AKAP6: variants seen among roughly 807,000 people sequenced by gnomAD.
AKAP6 encodes A-kinase anchoring protein 6.
A neutral mutation model predicts 188.5 loss-of-function variants in AKAP6; 58 were observed. The observed-to-expected ratio is 0.31, with a 90% CI of 0.25 to 0.38. The LOEUF (loss-of-function observed/expected upper bound fraction) is 0.38, where lower values mean the gene tolerates loss of function less well. Among genes scored for constraint, AKAP6 ranks in the 10% least tolerant of loss-of-function variants. The pLI, the probability that AKAP6 is intolerant of heterozygous loss-of-function variation, is 1.00. For missense variants in AKAP6, 2,710 were observed against 2,740.0 expected, an observed-to-expected ratio of 0.99 and a Z score of 0.24; for synonymous variants, 989 against 998.6, an observed-to-expected ratio of 0.99 and a Z score of 0.18.
intron 2 of AKAP6, among the ~76,000 whole-genome samples, chr14:32,497,587 A>T (rs1320927300): frequency 6.6e-6 from 1 of 152,108 alleles, no homozygotes; most frequent in South Asian, 2.1e-4. Context: ...AAAAGAAAGT[A>T]TTCTACTGTT....
chr14:32,542,815 G>A (rs1017008101), intron 3 of AKAP6, among the ~76,000 whole-genome samples: 2 of 152,188 alleles, frequency 1.3e-5, no homozygotes, highest in African/African-American at 4.8e-5. Context: ...ACTTATCTAT[G>A]ACATCGTTGA....
chr14:32,595,621 G>A (rs113100542), intron 5 of AKAP6, among the ~76,000 whole-genome samples: 11 of 151,984 alleles, frequency 7.2e-5, no homozygotes, highest in South Asian at 2.1e-4. Flanking sequence ...CAGTCTTCCC[G>A]CCTCAGCTTC....
chr14:32,614,197 A>G (rs1017264164), intron 7 of AKAP6, among the ~76,000 whole-genome samples: 1 of 152,128 alleles, frequency 6.6e-6, no homozygotes, highest in Non-Finnish European at 1.5e-5. Flanking sequence ...TATTTTTTCC[A>G]ATTGTGTGGT....
At chr14:32,541,053 A>G (rs1882927295) in intron 3 of AKAP6, among the ~76,000 whole-genome samples, 1 of 151,982 alleles carries the variant, frequency 6.6e-6, no homozygotes, top group African/African-American at 2.4e-5. Flanking sequence ...TTCCCCGATA[A>G]CCTATGGAAA....
At chr14:32,476,413 C>G (rs1360568531) in intron 2 of AKAP6, among the ~76,000 whole-genome samples, 2 of 152,178 alleles carry the variant, frequency 1.3e-5, no homozygotes, top group African/African-American at 4.8e-5. Context: ...ATCTCAGACC[C>G]TACTTGGACA....
chr14:32,797,787 A>G (rs943654838), intron 12 of AKAP6, among the ~76,000 whole-genome samples: 1 of 148,826 alleles, frequency 6.7e-6, no homozygotes, highest in Non-Finnish European at 1.5e-5. Context: ...AAAGTTGAAG[A>G]AAAAAAAAAC....
intron 1 of AKAP6, among the ~76,000 whole-genome samples, chr14:32,333,550 T>G (rs1886597779): frequency 1.3e-5 from 2 of 152,152 alleles, no homozygotes; most frequent in African/African-American, 4.8e-5. Flanking sequence ...TTCCATGTGT[T>G]ATTAGAGAAG....
intron 1 of AKAP6, among the ~76,000 whole-genome samples, chr14:32,355,909 G>A (rs1887467726): frequency 6.6e-6 from 1 of 151,788 alleles, no homozygotes; most frequent in African/African-American, 2.4e-5. Flanking sequence ...CAAGTAGCTG[G>A]GATTACAGGC....
chr14:32,833,524 T>C lies in AKAP6; in HGVS notation c.*3719T>C, dbSNP rs779640851. 16 of 152,320 alleles carry C rather than the reference T, an allele frequency of 1.1e-4. No individual in the cohort carries two copies. The highest frequency in any genetic ancestry group is 2.0e-4 in the Admixed American group (3 of 15,304). The allele number at this position is 152,320 out of a possible 1,614,324, so 9.4% of individuals were successfully genotyped here. A position where few individuals can be genotyped will look rare whatever the true frequency, so the allele number is the denominator to read the frequency against. ...TTTCTGGTCACTGAATAAATATGCA[T>C]CTTATACAACACAGAACAACCTAAA... On this transcript the variant is annotated 3_prime_UTR_variant, in exon 14 of 14. Coordinates refer to ENST00000280979, the MANE Select transcript of AKAP6 (RefSeq NM_004274.5).
At chr14:32,420,065 AT>A (rs995376843) in intron 1 of AKAP6, among the ~76,000 whole-genome samples, 1 of 152,074 alleles carries the variant, frequency 6.6e-6, no homozygotes, top group Non-Finnish European at 1.5e-5. Context: ...TAATCTAGGT[AT>A]TTTTTAAGCT....
chr14:32,549,041 A>G (rs1883335920), intron 4 of AKAP6, among the ~76,000 whole-genome samples: 2 of 152,256 alleles, frequency 1.3e-5, no homozygotes, highest in Admixed American at 6.5e-5. Context: ...ATAAACAAAG[A>G]GGAAAAAGTT....
intron 7 of AKAP6, among the ~76,000 whole-genome samples, chr14:32,628,985 C>A (rs868252347): frequency 1.3e-5 from 2 of 152,028 alleles, no homozygotes; most frequent in African/African-American, 4.8e-5. Flanking sequence ...CACCCACCTG[C>A]AGTCAGATCT....
At position 32,824,819 on chromosome 14, in the gene AKAP6, C is replaced by T. The variant is rs2034634991; in HGVS notation, c.*42+4C>T. 4.5e-6 allele frequency: 7 copies of T among 1,557,542 alleles called. No individual in the cohort carries two copies. Among genetic ancestry groups the T allele is most frequent in the East Asian group, 2.2e-5 (1 of 44,590 alleles). Reference sequence around the variant, plus strand: ...ATGAAAATCATCTCACTGAAAGGTACGTATAGTCCTCATGCCGTATATGTA... The same window carrying T: ...ATGAAAATCATCTCACTGAAAGGTATGTATAGTCCTCATGCCGTATATGTA... On this transcript the variant is annotated splice_donor_region_variant and intron_variant, in intron 13 of 13. Transcript: ENST00000280979.
At position 32,836,649 on chromosome 14, in the gene AKAP6, A is replaced by G. The variant is rs558829111; in HGVS notation, c.*6844A>G. 6 of 152,240 alleles carry G rather than the reference A, an allele frequency of 3.9e-5. No homozygotes were observed. The East Asian group carries it at 1.2e-3, about 29-fold the overall frequency. 9.4% of individuals were successfully genotyped at this position (152,240 alleles called of 1,614,324 possible). On this transcript the variant is annotated 3_prime_UTR_variant, in exon 14 of 14. Coordinates refer to ENST00000280979, the MANE Select transcript of AKAP6 (RefSeq NM_004274.5). ...TAACTTTGAAGCCAATCTAATTCAT[A>G]CTCAAAAAAGTATTCCAAAATTTTG...
At chr14:32,582,551 G>A (rs1885025702) in intron 5 of AKAP6, among the ~76,000 whole-genome samples, 1 of 152,114 alleles carries the variant, frequency 6.6e-6, no homozygotes, top group African/African-American at 2.4e-5. Context: ...GCTAGACTGG[G>A]GAAGTTCTCC....
intron 1 of AKAP6, among the ~76,000 whole-genome samples, chr14:32,420,402 C>T (rs1303078574): frequency 1.3e-5 from 2 of 151,738 alleles, no homozygotes; most frequent in East Asian, 4.0e-4. Context: ...CCCATCCCTC[C>T]TTTCTTCCTA....
chr14:32,454,793 TTCCCTCCCTCCCTCCC>T (rs1891090356), intron 2 of AKAP6, among the ~76,000 whole-genome samples: 62 of 4,928 alleles, frequency 0.013, 2 homozygotes, highest in Non-Finnish European at 0.017. Context: ...CCCTCCCTCC[TTCCCTCCCTCCCTCCC>T]TCCCTCCCTC....
chr14:32,710,836 G>T (rs946387160), intron 9 of AKAP6, among the ~76,000 whole-genome samples: 1 of 151,970 alleles, frequency 6.6e-6, no homozygotes, highest in Non-Finnish European at 1.5e-5. Flanking sequence ...AACAGAATCG[G>T]GGCTGACAAC....
At chr14:32,796,100 G>C (rs61981390) in intron 12 of AKAP6, among the ~76,000 whole-genome samples, 1 of 152,140 alleles carries the variant, frequency 6.6e-6, no homozygotes, top group South Asian at 2.1e-4. Flanking sequence ...TCCTCAAGGA[G>C]ATCTATAAAC....
Sources: gnomAD v4.1 joint callset for allele counts (sites outside exome capture counted in the v4.1 genomes callset) on GRCh38, gnomAD v4.1.1 for gene constraint, MANE v1.5 for transcripts, NCBI Gene and HGNC (gene_info 2026-07-23, HGNC 2026-07-21) for gene names.